Variants in ADAMTS12 observed in about 807,000 individuals in gnomAD.
ADAMTS12 encodes A disintegrin and metalloproteinase with thrombospondin motifs 12.
A neutral mutation model predicts 167.8 loss-of-function variants in ADAMTS12; 118 were observed. That is an observed-to-expected ratio of 0.70 (90% CI 0.61 to 0.82). The LOEUF is 0.82. ADAMTS12 is among the 40% of genes least tolerant of loss of function. The probability of loss-of-function intolerance (pLI) is 0.00; values close to 1 mark genes in which losing one functional copy is unlikely to be tolerated. For missense variants in ADAMTS12, 1,916 were observed against 1,998.8 expected, an observed-to-expected ratio of 0.96 and a Z score of 0.79; for synonymous variants, 704 against 716.9, an observed-to-expected ratio of 0.98 and a Z score of 0.29.
chr5:33,716,373 T>C (rs908849342), intron 3 of ADAMTS12, among the ~76,000 whole-genome samples: 2 of 152,194 alleles, frequency 1.3e-5, no homozygotes, highest in African/African-American at 4.8e-5. Context: ...ACTGTTTTCT[T>C]ATGGCAACCC....
At chr5:33,830,949 A>G (rs1172223809) in intron 2 of ADAMTS12, among the ~76,000 whole-genome samples, 1 of 152,178 alleles carries the variant, frequency 6.6e-6, no homozygotes, top group Non-Finnish European at 1.5e-5. Context: ...AGAAGCCCAT[A>G]CTAAAACAGT....
intron 3 of ADAMTS12, among the ~76,000 whole-genome samples, chr5:33,747,888 A>C (rs1279991929): frequency 6.6e-6 from 1 of 152,206 alleles, no homozygotes; most frequent in African/African-American, 2.4e-5. Context: ...GCTTCAGACA[A>C]AGAGGTATAT....
chr5:33,679,909 C>T (rs10073852), intron 5 of ADAMTS12, among the ~76,000 whole-genome samples: 8,037 of 152,286 alleles, frequency 0.053, 442 homozygotes, highest in East Asian at 0.17. Flanking sequence ...AAAGGAGTCA[C>T]AGCACTGAAC....
chr5:33,649,489 A>C, intron 8 of ADAMTS12, 65 bp downstream of exon 8: 1 of 1,572,054 alleles, frequency 6.4e-7, no homozygotes. Flanking sequence ...TCTCTGTGTA[A>C]AACTCAATGC....
chr5:33,843,955 G>C (rs1748845176), intron 2 of ADAMTS12, among the ~76,000 whole-genome samples: 1 of 152,236 alleles, frequency 6.6e-6, no homozygotes, highest in South Asian at 2.1e-4. Context: ...GCAGAAGAAT[G>C]TGGATTTCAT....
intron 3 of ADAMTS12, among the ~76,000 whole-genome samples, chr5:33,703,276 TTTAATGTGTACAAC>T (rs1743066339): frequency 6.6e-6 from 1 of 152,190 alleles, no homozygotes; most frequent in African/African-American, 2.4e-5. Flanking sequence ...GCTGTACATA[TTTAATGTGTACAAC>T]TTAATGTGTT....
rs1056159997 is a variant in ADAMTS12 at position 33,525,472 on chromosome 5, T to A, written c.*1716A>T. On this transcript the variant is annotated 3_prime_UTR_variant, in exon 24 of 24. Transcript: ENST00000504830. ...AAGCACATAATATTAAATCTTAAATTCAAGGTACCCAAGCAATAAAACTGG... is the reference window on the plus strand; with the variant it reads ...AAGCACATAATATTAAATCTTAAATACAAGGTACCCAAGCAATAAAACTGG... The A allele has an allele frequency of 3.3e-5, 5 of 152,150 alleles. No individual in the cohort carries two copies. Among genetic ancestry groups the A allele is most frequent in the Non-Finnish European group, 7.3e-5 (5 of 68,030 alleles). The allele number at this position is 152,150 out of a possible 1,614,324, so 9.4% of individuals were successfully genotyped here.
chr5:33,805,832 G>C (rs1382914530), intron 2 of ADAMTS12, among the ~76,000 whole-genome samples: 1 of 151,642 alleles, frequency 6.6e-6, no homozygotes, highest in African/African-American at 2.4e-5. Flanking sequence ...AGGTTACAGT[G>C]AGCTGTGATT....
intron 12 of ADAMTS12, among the ~76,000 whole-genome samples, chr5:33,634,545 A>G (rs1246533550): frequency 2.0e-5 from 3 of 152,302 alleles, no homozygotes; most frequent in African/African-American, 7.2e-5. Flanking sequence ...AGCTCAGCTA[A>G]GAATTAAAAT....
intron 19 of ADAMTS12, among the ~76,000 whole-genome samples, chr5:33,563,430 C>G (rs1193916075): frequency 6.6e-6 from 1 of 152,098 alleles, no homozygotes; most frequent in Non-Finnish European, 1.5e-5. Flanking sequence ...GCTCTTGGAC[C>G]CCTGCCTCTG....
At chr5:33,612,465 A>T (rs991090712) in intron 16 of ADAMTS12, among the ~76,000 whole-genome samples, 1 of 152,228 alleles carries the variant, frequency 6.6e-6, no homozygotes, top group African/African-American at 2.4e-5. Flanking sequence ...ATCTTGAAAC[A>T]GAAGTGAGTG....
intron 19 of ADAMTS12, among the ~76,000 whole-genome samples, chr5:33,562,766 G>T (rs1291583243): frequency 6.6e-6 from 1 of 152,008 alleles, no homozygotes; most frequent in African/African-American, 2.4e-5. Flanking sequence ...TAACTAGCTG[G>T]AATTACAGGT....
rs1431931419 is a variant in ADAMTS12 at position 33,526,496 on chromosome 5, A to T, written c.*692T>A. 1.3e-5 allele frequency: 2 copies of T among 152,206 alleles called. No homozygotes were observed. The highest frequency in any genetic ancestry group is 4.8e-5 in the African/African-American group (2 of 41,460). The allele number at this position is 152,206 out of a possible 1,614,324, so 9.4% of individuals were successfully genotyped here. A position where few individuals can be genotyped will look rare whatever the true frequency, so the allele number is the denominator to read the frequency against. ...TCAAACCAGAAGTGTTTTCTGTGTA[A>T]GTGACCTAAACCCCTTAGGCTGTGT... On this transcript the variant is annotated 3_prime_UTR_variant, in exon 24 of 24. Coordinates refer to ENST00000504830, the MANE Select transcript of ADAMTS12 (RefSeq NM_030955.4).
At chr5:33,539,222 G>A (rs905470300) in intron 22 of ADAMTS12, among the ~76,000 whole-genome samples, 1 of 152,178 alleles carries the variant, frequency 6.6e-6, no homozygotes, top group Non-Finnish European at 1.5e-5. Flanking sequence ...GACTACAGGT[G>A]TGAGCCACCA....
intron 3 of ADAMTS12, among the ~76,000 whole-genome samples, chr5:33,708,361 G>A (rs1398582775): frequency 6.6e-6 from 1 of 152,154 alleles, no homozygotes; most frequent in Non-Finnish European, 1.5e-5. Flanking sequence ...GAGTAAATTA[G>A]TTCAACCATT....
chr5:33,844,365 C>T (rs1748862501), intron 2 of ADAMTS12, among the ~76,000 whole-genome samples: 1 of 152,208 alleles, frequency 6.6e-6, no homozygotes, highest in Non-Finnish European at 1.5e-5. Context: ...AGAAATATTG[C>T]TAAATTCTTT....
At chr5:33,579,520 A>T (rs1377670227) in intron 18 of ADAMTS12, among the ~76,000 whole-genome samples, 1 of 151,704 alleles carries the variant, frequency 6.6e-6, no homozygotes, top group Non-Finnish European at 1.5e-5. Flanking sequence ...ATCTCTAAAG[A>T]AGTTAGCTTT....
At chr5:33,821,362 G>C (rs998123295) in intron 2 of ADAMTS12, among the ~76,000 whole-genome samples, 10 of 152,010 alleles carry the variant, frequency 6.6e-5, no homozygotes, top group Non-Finnish European at 1.5e-4. Context: ...ATGAAGATAC[G>C]CCAATTGTTG....
In ADAMTS12 at chr5:33,569,702, A is replaced by G. The variant is rs557197373; in HGVS notation, c.3972+6352T>C. Among the ~76,000 whole-genome samples, 18 of 152,356 alleles carry G rather than the reference A, an allele frequency of 1.2e-4. No homozygotes were observed. The South Asian group carries it at 3.5e-3, about 30-fold the overall frequency. On this transcript the variant is annotated intron_variant, in intron 19 of 23. Transcript: ENST00000504830. ...AAAGCACAGTGCATCTCCTCCTCCA[A>G]AGGAATGCAGTTCCTCACCAGCAAT...
Sources: allele counts gnomAD v4.1 joint callset (sites outside exome capture counted in the v4.1 genomes callset), GRCh38; gene constraint gnomAD v4.1.1; transcripts MANE v1.5; gene names NCBI Gene and HGNC (gene_info 2026-07-23, HGNC 2026-07-21).